Variants in NRXN1 observed in about 807,000 individuals in gnomAD.
NRXN1 encodes neurexin-1.
Under a neutral mutation model 150.9 loss-of-function variants are expected in NRXN1, and 39 were observed. The observed-to-expected ratio is 0.26, with a 90% CI of 0.20 to 0.34. The LOEUF is 0.34. NRXN1 is among the 10% of genes least tolerant of loss of function. The pLI is 1.00. For missense variants in NRXN1, 1,815 were observed against 1,949.9 expected (o/e 0.93, Z 1.30); for synonymous variants, 924 against 757.0 (o/e 1.22, Z -3.62).
At chr2:50,717,381 A>G (rs1407217935) in intron 5 of NRXN1, among the ~76,000 whole-genome samples, 2 of 152,136 alleles carry the variant, frequency 1.3e-5, no homozygotes, top group Non-Finnish European at 2.9e-5. Context: ...CACAATTATT[A>G]ATGCAGATTG....
chr2:50,010,306 T>C (rs1685448062), intron 21 of NRXN1, among the ~76,000 whole-genome samples: 1 of 152,168 alleles, frequency 6.6e-6, no homozygotes, highest in Non-Finnish European at 1.5e-5. Context: ...ATCATGGAAA[T>C]ACTGGCTACC....
At chr2:50,190,354 G>C (rs2061365865) in intron 18 of NRXN1, among the ~76,000 whole-genome samples, 1 of 151,986 alleles carries the variant, frequency 6.6e-6, no homozygotes. Flanking sequence ...GCTTTTCTCA[G>C]GGATGCATAA....
intron 8 of NRXN1, among the ~76,000 whole-genome samples, chr2:50,571,624 T>C (rs1459235153): frequency 2.6e-5 from 4 of 152,178 alleles, no homozygotes; most frequent in African/African-American, 4.8e-5. Flanking sequence ...ATGAGATTTT[T>C]TTTTTTGGTT....
At position 49,949,699 on chromosome 2, in the gene NRXN1, G is replaced by A. The variant is rs145194092; in HGVS notation, c.4129-5908C>T. Among the ~76,000 whole-genome samples, 37 of 150,798 alleles carry A rather than the reference G, an allele frequency of 2.5e-4. No homozygotes were observed. The South Asian group carries it at 7.1e-3, about 29-fold the overall frequency. ...TGTATCCTGCTATACCTCTAAATAC[G>A]AAGCCAAAAGAATTGTCTCAGACAA... On this transcript the variant is annotated intron_variant, in intron 21 of 22. Coordinates refer to ENST00000401669, the MANE Select transcript of NRXN1 (RefSeq NM_001330078.2).
At position 50,735,674 on chromosome 2, in the gene NRXN1, C is replaced by A. The variant is rs1290568441; in HGVS notation, c.833-112059G>T. Among the ~76,000 whole-genome samples, 5 of 152,240 alleles carry A rather than the reference C, an allele frequency of 3.3e-5. No individual in the cohort carries two copies. The East Asian group carries it at 5.8e-4, about 18-fold the overall frequency. ...AATAACTCTCTTTATCTCAGCTATG[C>A]TACGTCCCTCAATTAGTCCCATACC... On this transcript the variant is annotated intron_variant, in intron 5 of 22. Transcript: ENST00000401669.
intron 21 of NRXN1, among the ~76,000 whole-genome samples, chr2:50,004,339 C>T (rs1684418855): frequency 6.6e-6 from 1 of 152,058 alleles, no homozygotes; most frequent in African/African-American, 2.4e-5. Context: ...TATCTCAAAA[C>T]TCACAAGAAC....
At position 50,630,255 on chromosome 2, in the gene NRXN1, A is replaced by T. The variant is rs1260088768; in HGVS notation, c.833-6640T>A. Among the ~76,000 whole-genome samples, 4 of 151,704 alleles carry T rather than the reference A, an allele frequency of 2.6e-5. No individual in the cohort carries two copies. In the South Asian group the frequency reaches 6.2e-4, roughly 24 times the overall value. ...AACCATTACTGAACCACTTCATTGGATGTTGTAGAAGGTGTTCAATCCTTA... is the reference window on the plus strand; with the variant it reads ...AACCATTACTGAACCACTTCATTGGTTGTTGTAGAAGGTGTTCAATCCTTA... On this transcript the variant is annotated intron_variant, in intron 5 of 22. Coordinates refer to ENST00000401669, the MANE Select transcript of NRXN1 (RefSeq NM_001330078.2).
At chr2:50,646,179 A>C (rs996742873) in intron 5 of NRXN1, among the ~76,000 whole-genome samples, 5 of 151,884 alleles carry the variant, frequency 3.3e-5, no homozygotes, top group African/African-American at 1.2e-4. Context: ...GTGCAAAAGT[A>C]ATTGCAGTTT....
At chr2:50,654,859 T>C (rs1686181805) in intron 5 of NRXN1, among the ~76,000 whole-genome samples, 1 of 151,950 alleles carries the variant, frequency 6.6e-6, no homozygotes, top group Admixed American at 6.6e-5. Flanking sequence ...TATCCTTCAA[T>C]CTAATCAGTA....
chr2:50,711,593 C>T (rs1274975366), intron 5 of NRXN1, among the ~76,000 whole-genome samples: 1 of 152,024 alleles, frequency 6.6e-6, no homozygotes, highest in Admixed American at 6.6e-5. Context: ...ACCTCGGCCT[C>T]CCAAAGTGCT....
intron 2 of NRXN1, among the ~76,000 whole-genome samples, chr2:51,021,506 C>A (rs35397701): frequency 0.22 from 33,044 of 151,686 alleles, 3,963 homozygotes; most frequent in Non-Finnish European, 0.28. Context: ...CAATTTAATT[C>A]ACATTTAATG....
chr2:50,846,038 CT>C (rs1446978267), intron 5 of NRXN1, among the ~76,000 whole-genome samples: 1 of 152,146 alleles, frequency 6.6e-6, no homozygotes, highest in African/African-American at 2.4e-5. Flanking sequence ...ATTAAAATTT[CT>C]TTTCTAGCAT....
intron 21 of NRXN1, among the ~76,000 whole-genome samples, chr2:50,043,416 T>C (rs1202457588): frequency 2.0e-5 from 3 of 152,198 alleles, no homozygotes; most frequent in African/African-American, 7.2e-5. Flanking sequence ...TAGTTAATGC[T>C]GTGCACGGAA....
intron 18 of NRXN1, among the ~76,000 whole-genome samples, chr2:50,226,256 T>A (rs1428978663): frequency 6.6e-6 from 1 of 152,034 alleles, no homozygotes; most frequent in East Asian, 1.9e-4. Flanking sequence ...AGACTGTTGA[T>A]TGCTTTTATA....
rs549569526 is a variant in NRXN1 at position 49,993,964 on chromosome 2, T to C, written c.4129-50173A>G. On this transcript the variant is annotated intron_variant, in intron 21 of 22. Transcript: ENST00000401669. ...TCAACCTTTCAAAATCACATGCCCA[T>C]CAGATGGCATTCTCAAATTTCCTGC... 9.2e-5 allele frequency among the ~76,000 whole-genome samples: 14 copies of C among 152,264 alleles called. 1 individual carries two copies. The South Asian group carries it at 2.9e-3, about 32-fold the overall frequency.
chr2:50,274,242 T>C (rs1439960935), intron 17 of NRXN1, among the ~76,000 whole-genome samples: 3 of 152,146 alleles, frequency 2.0e-5, no homozygotes, highest in African/African-American at 7.2e-5. Context: ...TGGATGAAGC[T>C]GGAAACCATC....
intron 8 of NRXN1, among the ~76,000 whole-genome samples, chr2:50,555,037 C>T (rs1052337823): frequency 1.3e-5 from 2 of 152,130 alleles, no homozygotes; most frequent in African/African-American, 4.8e-5. Context: ...TCTTTAGAGG[C>T]AGGGAAAATG....
chr2:49,940,883 A>G (rs1671862897), intron 22 of NRXN1, among the ~76,000 whole-genome samples: 1 of 152,220 alleles, frequency 6.6e-6, no homozygotes, highest in African/African-American at 2.4e-5. Context: ...CCATTAACAC[A>G]AAATAATCTG....
chr2:50,280,222 G>C (rs527794575), intron 17 of NRXN1, among the ~76,000 whole-genome samples: 6 of 144,164 alleles, frequency 4.2e-5, no homozygotes, highest in Admixed American at 1.4e-4. Context: ...AGCTTGCAGT[G>C]AGCCGAGATC....
Sources: gnomAD v4.1 joint callset for allele counts (sites outside exome capture counted in the v4.1 genomes callset) on GRCh38, gnomAD v4.1.1 for gene constraint, MANE v1.5 for transcripts, NCBI Gene and HGNC (gene_info 2026-07-23, HGNC 2026-07-21) for gene names.